The following NRG1 variants were observed in gnomAD, a reference collection of about 807,000 sequenced individuals.
The protein encoded by NRG1 is pro-neuregulin-1, membrane-bound isoform.
In NRG1, 18 loss-of-function variants were observed where a neutral mutation model predicts 63.8. That is an observed-to-expected ratio of 0.28 (90% CI 0.19 to 0.42). The LOEUF (loss-of-function observed/expected upper bound fraction) is 0.42, where lower values mean the gene tolerates loss of function less well. Ranked by LOEUF, NRG1 falls within the 10% of genes least tolerant of loss-of-function variation. The probability of loss-of-function intolerance (pLI) is 1.00; values close to 1 mark genes in which losing one functional copy is unlikely to be tolerated. For missense variants in NRG1, 762 were observed against 814.7 expected, an observed-to-expected ratio of 0.94 and a Z score of 0.79; for synonymous variants, 302 against 301.3, an observed-to-expected ratio of 1.00 and a Z score of -0.02.
intron 1 of NRG1, among the ~76,000 whole-genome samples, chr8:31,720,018 A>G (rs966806208): frequency 1.3e-5 from 2 of 152,134 alleles, no homozygotes; most frequent in African/African-American, 4.8e-5. Context: ...GAATGTCCTT[A>G]TTTCTGTGTG....
At chr8:32,270,589 T>C (rs753953629) in intron 1 of NRG1, among the ~76,000 whole-genome samples, 2 of 152,250 alleles carry the variant, frequency 1.3e-5, no homozygotes, top group Non-Finnish European at 2.9e-5. Context: ...GCACATTTAA[T>C]AAGTGTTACA....
At chr8:31,787,676 TAG>T (rs1820307195) in intron 1 of NRG1, among the ~76,000 whole-genome samples, 1 of 152,182 alleles carries the variant, frequency 6.6e-6, no homozygotes, top group Non-Finnish European at 1.5e-5. Flanking sequence ...TTTTCGTAAT[TAG>T]AGAATAGTCT....
intron 1 of NRG1, among the ~76,000 whole-genome samples, chr8:31,995,752 T>C (rs1811864659): frequency 6.6e-6 from 1 of 151,858 alleles, no homozygotes; most frequent in Non-Finnish European, 1.5e-5. Flanking sequence ...AGCAGTGGAG[T>C]TGGAGAGGAA....
chr8:32,283,674 T>C (rs1471136243), intron 1 of NRG1, among the ~76,000 whole-genome samples: 1 of 152,200 alleles, frequency 6.6e-6, no homozygotes, highest in African/African-American at 2.4e-5. Context: ...GTTTCTCTTT[T>C]AGGGTTTCTA....
At chr8:31,752,431 C>T (rs930722711) in intron 1 of NRG1, among the ~76,000 whole-genome samples, 2 of 151,922 alleles carry the variant, frequency 1.3e-5, no homozygotes, top group Non-Finnish European at 2.9e-5. Flanking sequence ...CAGTGATAGA[C>T]AGTGAAGGAA....
chr8:32,508,276 A>T (rs13259892), intron 1 of NRG1, among the ~76,000 whole-genome samples: 104,520 of 146,852 alleles, frequency 0.71, 36,413 homozygotes, highest in East Asian at 0.89. Context: ...TGTAAACATA[A>T]GTCCACAATA....
At chr8:32,218,387 C>CTTTT (rs1845466409) in intron 1 of NRG1, among the ~76,000 whole-genome samples, 1 of 152,204 alleles carries the variant, frequency 6.6e-6, no homozygotes, top group African/African-American at 2.4e-5. Flanking sequence ...TTCATAAATT[C>CTTTT]TCTCCTACCA....
intron 1 of NRG1, among the ~76,000 whole-genome samples, chr8:31,949,881 G>A (rs1803205243): frequency 6.6e-6 from 1 of 152,142 alleles, no homozygotes; most frequent in African/African-American, 2.4e-5. Flanking sequence ...CTCCAGTCTT[G>A]TCCATCATCA....
intron 1 of NRG1, among the ~76,000 whole-genome samples, chr8:32,559,840 A>G (rs1447296218): frequency 2.1e-5 from 3 of 141,440 alleles, no homozygotes; most frequent in Non-Finnish European, 4.7e-5. Flanking sequence ...ACAAAAAAAT[A>G]CAAAAAAAAA....
intron 1 of NRG1, among the ~76,000 whole-genome samples, chr8:32,231,014 T>G (rs1197793514): frequency 2.6e-5 from 4 of 152,130 alleles, no homozygotes; most frequent in African/African-American, 9.7e-5. Flanking sequence ...CATCCCCACC[T>G]TCTCCCCATG....
chr8:31,693,826 A>T (rs1320842494), intron 1 of NRG1, among the ~76,000 whole-genome samples: 1 of 152,154 alleles, frequency 6.6e-6, no homozygotes, highest in Non-Finnish European at 1.5e-5. Context: ...TGCATACAAC[A>T]TCACTGTCTT....
intron 4 of NRG1, among the ~76,000 whole-genome samples, chr8:32,616,046 T>C (rs1847303350): frequency 6.6e-6 from 1 of 152,160 alleles, no homozygotes; most frequent in African/African-American, 2.4e-5. Context: ...TATTTCTTAA[T>C]ATGTGACTTG....
chr8:31,758,806 A>G (rs1169972662), intron 1 of NRG1, among the ~76,000 whole-genome samples: 3 of 152,178 alleles, frequency 2.0e-5, no homozygotes, highest in Admixed American at 6.6e-5. Context: ...CGGCTAGAGC[A>G]TAAGCTAGGT....
At chr8:32,650,460 G>A (rs1417905474) in intron 5 of NRG1, among the ~76,000 whole-genome samples, 1 of 151,952 alleles carries the variant, frequency 6.6e-6, no homozygotes, top group African/African-American at 2.4e-5. Flanking sequence ...TAATTTTTTA[G>A]ACTAGTTCCT....
intron 1 of NRG1, among the ~76,000 whole-genome samples, chr8:32,137,066 T>A (rs1835625636): frequency 6.6e-6 from 1 of 152,186 alleles, no homozygotes; most frequent in South Asian, 2.1e-4. Context: ...GGGGTTTTTT[T>A]TAAAACATGA....
intron 1 of NRG1, among the ~76,000 whole-genome samples, chr8:31,968,978 C>T (rs887967462): frequency 2.0e-5 from 3 of 152,190 alleles, no homozygotes; most frequent in Non-Finnish European, 4.4e-5. Context: ...TCATCTCCTC[C>T]TCAGCTCTCC....
chr8:32,416,462 A>C (rs1278813100), intron 1 of NRG1, among the ~76,000 whole-genome samples: 2 of 151,666 alleles, frequency 1.3e-5, no homozygotes, highest in Non-Finnish European at 2.9e-5. Context: ...TGAGGGCATA[A>C]CTGGGAGGGT....
chr8:32,455,820 C>T (rs1023238778), intron 1 of NRG1, among the ~76,000 whole-genome samples: 36 of 152,212 alleles, frequency 2.4e-4, no homozygotes, highest in Admixed American at 2.4e-3. Context: ...GACAGTCTCT[C>T]TCTGTCACCC....
At chr8:31,856,468 T>A (rs1003384330) in intron 1 of NRG1, among the ~76,000 whole-genome samples, 3 of 152,224 alleles carry the variant, frequency 2.0e-5, no homozygotes, top group South Asian at 2.1e-4. Context: ...CTCCATCAGC[T>A]CCTTTAAGCA....
Sources: allele counts gnomAD v4.1 joint callset (sites outside exome capture counted in the v4.1 genomes callset), GRCh38; gene constraint gnomAD v4.1.1; transcripts MANE v1.5; gene names NCBI Gene and HGNC (gene_info 2026-07-23, HGNC 2026-07-21).